The following ACTR3B variants were observed in gnomAD, a reference collection of about 807,000 sequenced individuals.
ACTR3B encodes the protein actin related protein 3B.
Under a neutral mutation model 59.0 loss-of-function variants are expected in ACTR3B, and 8 were observed. The observed-to-expected ratio is 0.14, with a 90% CI of 0.08 to 0.24. The LOEUF (loss-of-function observed/expected upper bound fraction) is 0.24, where lower values mean the gene tolerates loss of function less well. ACTR3B is among the 10% of genes least tolerant of loss of function. The pLI, the probability that ACTR3B is intolerant of heterozygous loss-of-function variation, is 1.00. For synonymous variants in ACTR3B, 148 were observed against 197.9 expected (o/e 0.75, Z 2.12); for missense variants, 245 against 552.3 (o/e 0.44, Z 5.58).
Position 152,823,523 on chromosome 7 carries a change from G to A in ACTR3B, c.858+8G>A. 1 of 1,613,788 alleles carries A rather than the reference G, an allele frequency of 6.2e-7. No individual in the cohort carries two copies. Among genetic ancestry groups the A allele is most frequent in the South Asian group, 1.1e-5 (1 of 91,040 alleles). On this transcript the variant is annotated splice_region_variant and intron_variant, in intron 8 of 11. Coordinates refer to ENST00000256001, the MANE Select transcript of ACTR3B (RefSeq NM_020445.6). ...ATATTCTTTCACCCGGAGGTGAGATGTTTCCTTTTTTGTGTGCTCAAGTGT... is the reference window on the plus strand; with the variant it reads ...ATATTCTTTCACCCGGAGGTGAGATATTTCCTTTTTTGTGTGCTCAAGTGT...
chr7:152,811,998 T>G (rs1238630737), intron 4 of ACTR3B: 2 of 112,900 alleles, frequency 1.8e-5, no homozygotes, highest in Non-Finnish European at 4.0e-5. Flanking sequence ...ATTCTGTTCT[T>G]AATTCCCAGA....
At chr7:152,761,969 T>A (rs1563065044) in intron 1 of ACTR3B, among the ~76,000 whole-genome samples, 1 of 152,210 alleles carries the variant, frequency 6.6e-6, no homozygotes, top group Non-Finnish European at 1.5e-5. Context: ...GAGTCATGGT[T>A]ATGTAATTCC....
At chr7:152,780,844 A>ATT (rs142260998) in intron 1 of ACTR3B, among the ~76,000 whole-genome samples, 2,116 of 132,852 alleles carry the variant, frequency 0.016, 56 homozygotes, top group African/African-American at 0.052. Context: ...AACTTTTCAG[A>ATT]TTTTTTTTTT....
chr7:152,792,320 A>T (rs2098199255), intron 2 of ACTR3B, among the ~76,000 whole-genome samples: 1 of 152,204 alleles, frequency 6.6e-6, no homozygotes, highest in African/African-American at 2.4e-5. Context: ...GAAAATAATT[A>T]TGATCCATAT....
chr7:152,765,154 A>G lies in ACTR3B; in HGVS notation c.44+5228A>G, dbSNP rs557863912. Among the ~76,000 whole-genome samples the G allele has an allele frequency of 6.9e-5, 4 of 57,696 alleles. No individual in the cohort carries two copies. The South Asian group carries it at 1.6e-3, about 23-fold the overall frequency. 37.9% of individuals were successfully genotyped at this position (57,696 alleles called of 152,430 possible). ...TTTCCGGAGACAGAGTTTTGCTTTC[A>G]TTGTTCAGGCTGGAGTAGAATGGCG... On this transcript the variant is annotated intron_variant, in intron 1 of 11. Transcript: ENST00000256001.
intron 4 of ACTR3B, among the ~76,000 whole-genome samples, chr7:152,810,087 A>G (rs1795085895): frequency 1.3e-5 from 2 of 151,948 alleles, no homozygotes; most frequent in African/African-American, 2.4e-5. Context: ...ACGAGTCCCC[A>G]TTATTTCCCC....
chr7:152,778,601 A>G (rs1413146101), intron 1 of ACTR3B, among the ~76,000 whole-genome samples: 2 of 151,596 alleles, frequency 1.3e-5, no homozygotes, highest in Non-Finnish European at 1.5e-5. Flanking sequence ...ATTTTTTTTC[A>G]TAGAGTACCT....
At chr7:152,765,347 C>T (rs1047226400) in intron 1 of ACTR3B, among the ~76,000 whole-genome samples, 2 of 151,416 alleles carry the variant, frequency 1.3e-5, no homozygotes, top group African/African-American at 4.8e-5. Flanking sequence ...GAACTCCTGA[C>T]CTCAGGTGAT....
intron 1 of ACTR3B, 79 bp downstream of exon 1, chr7:152,760,005 G>T: frequency 3.3e-6 from 4 of 1,218,572 alleles, no homozygotes; most frequent in South Asian, 2.5e-5. Flanking sequence ...CCTGGAGGTC[G>T]AGCTGCGTCC....
intron 1 of ACTR3B, among the ~76,000 whole-genome samples, chr7:152,761,309 C>T (rs2098088695): frequency 6.6e-6 from 1 of 152,132 alleles, no homozygotes; most frequent in Admixed American, 6.5e-5. Flanking sequence ...CAGGTCCCCT[C>T]AGGTCTGGTT....
intron 9 of ACTR3B, among the ~76,000 whole-genome samples, chr7:152,836,906 CAT>C (rs1164763395): frequency 1.3e-5 from 2 of 152,212 alleles, no homozygotes; most frequent in African/African-American, 2.4e-5. Context: ...CTTCATGGCT[CAT>C]GTGTGTAATC....
At chr7:152,814,359 A>C in intron 4 of ACTR3B, 191 bp from the exon 5 acceptor site, 1 of 500,726 alleles carries the variant, frequency 2.0e-6, no homozygotes, top group Non-Finnish European at 3.5e-6. Flanking sequence ...AGAAGTATTT[A>C]CTCTGACGTC....
At chr7:152,849,529 T>G (rs1447530629) in intron 9 of ACTR3B, among the ~76,000 whole-genome samples, 4 of 152,242 alleles carry the variant, frequency 2.6e-5, no homozygotes, top group Non-Finnish European at 5.9e-5. Context: ...CTGTAGAAGG[T>G]TTAGCCCAGG....
rs536240633 is a variant in ACTR3B, at chr7:152,801,466, T to G, written c.226-155T>G. Among the ~76,000 whole-genome samples, 69 of 152,320 alleles carry G rather than the reference T, an allele frequency of 4.5e-4. 1 individual carries two copies. Among genetic ancestry groups the G allele is most frequent in the African/African-American group, 1.6e-3 (68 of 41,548 alleles). The stretch of plus-strand genomic sequence containing the variant: ...CAATAATGTAACTTAATCTTTTTTT[T>G]CCAAATGCTGTTGTTTCTTTACAAG... On this transcript the variant is annotated intron_variant, in intron 3 of 11. Coordinates refer to ENST00000256001, the MANE Select transcript of ACTR3B (RefSeq NM_020445.6).
intron 4 of ACTR3B, among the ~76,000 whole-genome samples, chr7:152,802,387 T>C (rs2116743932): frequency 7.0e-6 from 1 of 142,922 alleles, no homozygotes; most frequent in South Asian, 2.4e-4. Flanking sequence ...CATAGCAAGA[T>C]GATTGTAATT....
At chr7:152,804,158 A>G (rs568157464) in intron 4 of ACTR3B, among the ~76,000 whole-genome samples, 2 of 152,240 alleles carry the variant, frequency 1.3e-5, no homozygotes, top group East Asian at 3.9e-4. Flanking sequence ...CTCAGCTTAC[A>G]CTGGTTATGT....
chr7:152,811,819 G>T (rs1253978080), intron 4 of ACTR3B: 1 of 150,234 alleles, frequency 6.7e-6, no homozygotes, highest in East Asian at 2.0e-4. Flanking sequence ...TTATTCCAGT[G>T]TTAACATTTA....
At chr7:152,817,630 C>T (rs1210598710) in intron 6 of ACTR3B, among the ~76,000 whole-genome samples, 1 of 152,026 alleles carries the variant, frequency 6.6e-6, no homozygotes, top group African/African-American at 2.4e-5. Context: ...GGTCTTTCTC[C>T]TTTGAGGTCT....
intron 1 of ACTR3B, 94 bp downstream of exon 1, chr7:152,760,020 C>T: frequency 8.6e-7 from 1 of 1,159,352 alleles, no homozygotes; most frequent in South Asian, 2.8e-5. Context: ...GCGTCCGTCG[C>T]CCCGGGCTTG....
Sources: allele counts gnomAD v4.1 joint callset (sites outside exome capture counted in the v4.1 genomes callset), GRCh38; gene constraint gnomAD v4.1.1; transcripts MANE v1.5; gene names NCBI Gene and HGNC (gene_info 2026-07-23, HGNC 2026-07-21).